ANKRD17: variants seen among roughly 807,000 people sequenced by gnomAD.
ANKRD17 encodes the protein ankyrin repeat domain-containing protein 17.
In ANKRD17, 19 loss-of-function variants were observed where a neutral mutation model predicts 229.7. The ratio of observed to expected loss-of-function variants is 0.08; its 90% CI spans 0.06 to 0.12. The LOEUF is 0.12. Ranked by LOEUF, ANKRD17 falls within the 10% of genes least tolerant of loss-of-function variation. The pLI is 1.00. For missense variants in ANKRD17, 2,176 were observed against 3,176.8 expected, an observed-to-expected ratio of 0.68 and a Z score of 7.57; for synonymous variants, 1,112 against 1,146.1, an observed-to-expected ratio of 0.97 and a Z score of 0.60.
chr4:73,106,756 G>A (rs1724683050), intron 24 of ANKRD17, among the ~76,000 whole-genome samples: 2 of 151,802 alleles, frequency 1.3e-5, no homozygotes, highest in African/African-American at 4.8e-5. Flanking sequence ...GTGCGCACCT[G>A]TAGTCCCAGC....
At chr4:73,160,793 AG>A (rs1390879048) in intron 3 of ANKRD17, among the ~76,000 whole-genome samples, 6 of 152,250 alleles carry the variant, frequency 3.9e-5, no homozygotes, top group African/African-American at 1.4e-4. Flanking sequence ...TAAAATGGTC[AG>A]AACTACGCAA....
At chr4:73,207,509 T>G (rs1739632804) in intron 1 of ANKRD17, among the ~76,000 whole-genome samples, 1 of 152,176 alleles carries the variant, frequency 6.6e-6, no homozygotes, top group Non-Finnish European at 1.5e-5. Context: ...GCAAGAGCTA[T>G]CGACATGCTG....
chr4:73,101,079 G>C, intron 25 of ANKRD17: 1 of 844,352 alleles, frequency 1.2e-6, no homozygotes, highest in Non-Finnish European at 1.4e-6. Flanking sequence ...GTATATGGGA[G>C]AATGTGCATA....
chr4:73,253,664 G>A (rs956009177), intron 1 of ANKRD17, among the ~76,000 whole-genome samples: 2 of 152,178 alleles, frequency 1.3e-5, no homozygotes, highest in Non-Finnish European at 2.9e-5. Flanking sequence ...TTCACAAACA[G>A]TAGGTACTGA....
intron 1 of ANKRD17, among the ~76,000 whole-genome samples, chr4:73,256,325 G>A (rs773743192): frequency 7.2e-5 from 11 of 152,194 alleles, no homozygotes; most frequent in Non-Finnish European, 1.3e-4. Context: ...GTTTGCAGCA[G>A]AATATCCCAG....
At chr4:73,238,345 A>G (rs759382645) in intron 1 of ANKRD17, among the ~76,000 whole-genome samples, 2 of 152,148 alleles carry the variant, frequency 1.3e-5, no homozygotes, top group Non-Finnish European at 2.9e-5. Context: ...GGTCTAAAAC[A>G]GCATTCTTCC....
intron 24 of ANKRD17, among the ~76,000 whole-genome samples, chr4:73,108,420 A>T (rs1202910896): frequency 2.0e-5 from 3 of 152,174 alleles, no homozygotes; most frequent in Non-Finnish European, 2.9e-5. Context: ...GCAGGATAAG[A>T]CCACCAGTGG....
chr4:73,135,054 T>G, intron 16 of ANKRD17, 63 bp downstream of exon 16: 1 of 1,494,236 alleles, frequency 6.7e-7, no homozygotes. Context: ...CTCTGAAAGT[T>G]AATGTTTTTA....
At chr4:73,126,689 A>G (rs1396751423) in intron 16 of ANKRD17, among the ~76,000 whole-genome samples, 1 of 152,190 alleles carries the variant, frequency 6.6e-6, no homozygotes. Flanking sequence ...TATAGTTTCA[A>G]TGCTAACCTA....
chr4:73,089,203 A>C (rs1014619844), intron 29 of ANKRD17, among the ~76,000 whole-genome samples: 3 of 151,878 alleles, frequency 2.0e-5, no homozygotes, highest in African/African-American at 7.3e-5. Flanking sequence ...ATGCCCAGCT[A>C]ATTTTTATAT....
At position 73,091,143 on chromosome 4, in the gene ANKRD17, G is replaced by A; in HGVS notation, c.6485C>T (p.Thr2162Ile). ...TAPVTYPMPQ[T>I]PMGCPQPTPK... Reference sequence around the variant, plus strand: ...AGTAGGCTGGGGGCATCCCATTGGTGTCTGAGGCATAGGGTAAGTCACTGG... The same window carrying A: ...AGTAGGCTGGGGGCATCCCATTGGTATCTGAGGCATAGGGTAAGTCACTGG... The change falls in exon 29 of 34, where the codon ACA becomes ATA. Residue 2162 changes from threonine (T) to isoleucine (I), a missense_variant. Physicochemically the swap from Thr to Ile is moderately conservative, Grantham distance 89 (BLOSUM62 -1). Coordinates refer to ENST00000358602, the MANE Select transcript of ANKRD17 (RefSeq NM_032217.5). The A allele has an allele frequency of 6.2e-7, 1 of 1,614,178 alleles. No homozygotes were observed. The highest frequency in any genetic ancestry group is 8.5e-7 in the Non-Finnish European group (1 of 1,180,042).
intron 16 of ANKRD17, among the ~76,000 whole-genome samples, chr4:73,129,087 A>T (rs963038430): frequency 6.6e-6 from 1 of 152,190 alleles, no homozygotes; most frequent in Non-Finnish European, 1.5e-5. Flanking sequence ...GATCTAAGAG[A>T]AAGTCCCGAA....
intron 24 of ANKRD17, chr4:73,113,047 C>A: frequency 9.1e-7 from 1 of 1,103,000 alleles, no homozygotes; most frequent in South Asian, 2.1e-5. Context: ...CTCGGCCTCC[C>A]AAAGTGCTGG....
At chr4:73,223,700 T>C (rs992302075) in intron 1 of ANKRD17, among the ~76,000 whole-genome samples, 4 of 152,204 alleles carry the variant, frequency 2.6e-5, no homozygotes, top group Non-Finnish European at 5.9e-5. Context: ...TTTCTAGTAG[T>C]GCCTTTAACT....
intron 2 of ANKRD17, among the ~76,000 whole-genome samples, chr4:73,172,055 A>T (rs1734110712): frequency 6.6e-6 from 1 of 152,188 alleles, no homozygotes; most frequent in Admixed American, 6.5e-5. Flanking sequence ...AAAGATACCA[A>T]TATTTAAGTA....
At chr4:73,179,518 A>ATATATATATATAT (rs1192164276) in intron 1 of ANKRD17, among the ~76,000 whole-genome samples, 2 of 40,804 alleles carry the variant, frequency 4.9e-5, no homozygotes, top group African/African-American at 9.2e-5. Context: ...ATATATATAT[A>ATATATATATATAT]TTTTTTTTTT....
chr4:73,171,067 G>T (rs1173390498), intron 2 of ANKRD17, among the ~76,000 whole-genome samples: 4 of 152,022 alleles, frequency 2.6e-5, no homozygotes, highest in African/African-American at 9.7e-5. Context: ...CGGGCATTGA[G>T]TGAGACCCAG....
At chr4:73,127,372 T>G (rs1727610815) in intron 16 of ANKRD17, among the ~76,000 whole-genome samples, 1 of 152,212 alleles carries the variant, frequency 6.6e-6, no homozygotes, top group African/African-American at 2.4e-5. Flanking sequence ...TTTGGATATA[T>G]TAAATTAAAT....
At chr4:73,114,646 CTTAG>C (rs1425760429) in intron 23 of ANKRD17, among the ~76,000 whole-genome samples, 1 of 151,964 alleles carries the variant, frequency 6.6e-6, no homozygotes, top group African/African-American at 2.4e-5. Flanking sequence ...CAGTCTTATT[CTTAG>C]TATTATTAAA....
Sources: gnomAD v4.1 joint callset for allele counts (sites outside exome capture counted in the v4.1 genomes callset) on GRCh38, gnomAD v4.1.1 for gene constraint, MANE v1.5 for transcripts, NCBI Gene and HGNC (gene_info 2026-07-23, HGNC 2026-07-21) for gene names.